ARHGAP44: variants seen among roughly 807,000 people sequenced by gnomAD.
The protein encoded by ARHGAP44 is rho GTPase-activating protein 44.
ARHGAP44 carries 43 observed loss-of-function variants against 106.8 expected under a neutral mutation model. The observed-to-expected ratio is 0.40, with a 90% CI of 0.32 to 0.52. ARHGAP44 has a LOEUF of 0.52. ARHGAP44 is among the 20% of genes least tolerant of loss of function. The probability of loss-of-function intolerance (pLI) is 0.48; values close to 1 mark genes in which losing one functional copy is unlikely to be tolerated. For synonymous variants in ARHGAP44, 439 were observed against 410.3 expected (o/e 1.07, Z -0.85); for missense variants, 866 against 1,050.5 (o/e 0.82, Z 2.43).
intron 16 of ARHGAP44, chr17:12,959,142 C>T (rs2039199294): frequency 2.2e-6 from 1 of 461,244 alleles, no homozygotes; most frequent in Admixed American, 3.5e-5. Flanking sequence ...AATTAGTTCT[C>T]ATCAAAAGAA....
intron 6 of ARHGAP44, among the ~76,000 whole-genome samples, chr17:12,924,599 G>A (rs571263868): frequency 3.9e-5 from 6 of 152,204 alleles, no homozygotes; most frequent in South Asian, 2.1e-4. Context: ...ATATTGAAGC[G>A]CTAACCCCCA....
At chr17:12,851,367 A>G (rs1443038856) in intron 1 of ARHGAP44, among the ~76,000 whole-genome samples, 1 of 152,224 alleles carries the variant, frequency 6.6e-6, no homozygotes, top group African/African-American at 2.4e-5. Flanking sequence ...AGAAGTCTAA[A>G]AGGTAGGAAA....
At chr17:12,864,136 C>G (rs2036168704) in intron 1 of ARHGAP44, among the ~76,000 whole-genome samples, 1 of 152,140 alleles carries the variant, frequency 6.6e-6, no homozygotes, top group Non-Finnish European at 1.5e-5. Flanking sequence ...TAGAAATAAA[C>G]TTCACCTCTC....
chr17:12,875,996 A>C (rs1199098585), intron 1 of ARHGAP44, among the ~76,000 whole-genome samples: 1 of 152,212 alleles, frequency 6.6e-6, no homozygotes, highest in Non-Finnish European at 1.5e-5. Context: ...TTATTCCATC[A>C]TGTGGGTCAC....
chr17:12,800,610 G>A lies in ARHGAP44; in HGVS notation c.53+10719G>A, dbSNP rs567613213. Among the ~76,000 whole-genome samples, 12 of 152,274 alleles carry A rather than the reference G, an allele frequency of 7.9e-5. No homozygotes were observed. In the South Asian group the frequency reaches 1.9e-3, roughly 24 times the overall value. On this transcript the variant is annotated intron_variant, in intron 1 of 20. Transcript: ENST00000379672. ...CAAAGTAGAAGGCAATCCTGATACC[G>A]GCCAAAAGTCATAGAGCCACAGAAG...
chr17:12,813,890 A>G (rs568673559), intron 1 of ARHGAP44, among the ~76,000 whole-genome samples: 292 of 152,254 alleles, frequency 1.9e-3, no homozygotes, highest in African/African-American at 6.5e-3. Context: ...TGGAACTGGG[A>G]CACACGTAGT....
intron 1 of ARHGAP44, among the ~76,000 whole-genome samples, chr17:12,820,620 A>G (rs999923358): frequency 6.6e-6 from 1 of 152,132 alleles, no homozygotes; most frequent in African/African-American, 2.4e-5. Context: ...GAGATAGACC[A>G]TATAGTAAGT....
intron 1 of ARHGAP44, among the ~76,000 whole-genome samples, chr17:12,857,005 T>G (rs114277208): frequency 0.019 from 2,898 of 152,194 alleles, 95 homozygotes; most frequent in African/African-American, 0.067. Context: ...TCAAGCAAAA[T>G]TTCTCTCTTC....
intron 16 of ARHGAP44, among the ~76,000 whole-genome samples, chr17:12,964,337 G>A (rs1274546321): frequency 1.3e-5 from 2 of 152,094 alleles, no homozygotes; most frequent in Non-Finnish European, 2.9e-5. Context: ...CTGCACTCTT[G>A]CTGGTTGGTC....
chr17:12,819,983 T>C (rs1015531437), intron 1 of ARHGAP44, among the ~76,000 whole-genome samples: 9 of 152,144 alleles, frequency 5.9e-5, no homozygotes, highest in Admixed American at 5.9e-4. Context: ...AATCATTGCC[T>C]ATGCCATAGA....
chr17:12,956,887 A>ACG (rs2039142078), intron 15 of ARHGAP44, 141 bp downstream of exon 15: 3 of 591,054 alleles, frequency 5.1e-6, no homozygotes, highest in African/African-American at 3.8e-5. Flanking sequence ...ACACACACAC[A>ACG]CGCATGCAGA....
chr17:12,928,986 C>A lies in ARHGAP44; in HGVS notation c.522C>A (p.Ala174=). ...GLSSSLQPAG[A]KADALREEME... ...CCAGCAGCTTACAGCCTGCGGGTGC[C>A]AAGGCTGATGCCCTCAGGGAAGAAA... Residue 174 remains alanine, a synonymous_variant, in exon 7 of 21, where the codon GCC becomes GCA. Coordinates refer to ENST00000379672, the MANE Select transcript of ARHGAP44 (RefSeq NM_014859.6). 5 of 1,613,574 alleles carry A rather than the reference C, an allele frequency of 3.1e-6. No individual in the cohort carries two copies. Among genetic ancestry groups the A allele is most frequent in the Non-Finnish European group, 4.2e-6 (5 of 1,179,734 alleles).
At chr17:12,868,046 G>A (rs1259521971) in intron 1 of ARHGAP44, among the ~76,000 whole-genome samples, 1 of 152,198 alleles carries the variant, frequency 6.6e-6, no homozygotes, top group African/African-American at 2.4e-5. Context: ...TGCTTCTGAT[G>A]AGTCTGTTTG....
intron 1 of ARHGAP44, among the ~76,000 whole-genome samples, chr17:12,816,603 TG>T (rs1465842843): frequency 6.6e-6 from 1 of 152,042 alleles, no homozygotes; most frequent in Non-Finnish European, 1.5e-5. Context: ...AAAAGAAAGG[TG>T]GGGTGTATTT....
intron 5 of ARHGAP44, among the ~76,000 whole-genome samples, chr17:12,918,598 A>G (rs1226100269): frequency 2.0e-5 from 3 of 152,182 alleles, no homozygotes; most frequent in African/African-American, 4.8e-5. Flanking sequence ...TTCATTATTG[A>G]CTGGAAAAGT....
intron 1 of ARHGAP44, among the ~76,000 whole-genome samples, chr17:12,892,345 A>G (rs2037074005): frequency 6.7e-6 from 1 of 149,226 alleles, no homozygotes. Context: ...TTAAGGTATC[A>G]TTTCTTTCAC....
chr17:12,953,955 C>T lies in ARHGAP44; in HGVS notation c.1136+1374C>T, dbSNP rs149198705. Among the ~76,000 whole-genome samples the T allele has an allele frequency of 3.0e-3, 463 of 152,192 alleles. 1 individual carries two copies. Among genetic ancestry groups the T allele is most frequent in the African/African-American group, 0.01 (416 of 41,526 alleles). On this transcript the variant is annotated intron_variant, in intron 13 of 20. Coordinates refer to ENST00000379672, the MANE Select transcript of ARHGAP44 (RefSeq NM_014859.6). ...AGGCTGGAGTCCAGTGGTGCAATCTCGGCTCACTGCAACCCCCACCACCTG... is the reference window on the plus strand; with the variant it reads ...AGGCTGGAGTCCAGTGGTGCAATCTTGGCTCACTGCAACCCCCACCACCTG...
chr17:12,903,271 A>T (rs757793581), intron 3 of ARHGAP44, among the ~76,000 whole-genome samples: 2 of 151,902 alleles, frequency 1.3e-5, no homozygotes, highest in Non-Finnish European at 2.9e-5. Context: ...AGATAGTTTT[A>T]GAGAGAATAG....
rs1241779514 is a variant in ARHGAP44 at position 12,801,209 on chromosome 17, G to A, written c.53+11318G>A. On this transcript the variant is annotated intron_variant, in intron 1 of 20. Coordinates refer to ENST00000379672, the MANE Select transcript of ARHGAP44 (RefSeq NM_014859.6). ...AGTCTGAGAAAGGAATATGAAAAGT[G>A]GACAGAGCTTTTAGCACTAGGAATC... Among the ~76,000 whole-genome samples, 4 of 152,244 alleles carry A rather than the reference G, an allele frequency of 2.6e-5. No individual in the cohort carries two copies. The East Asian group carries it at 7.7e-4, about 29-fold the overall frequency.
Sources: gnomAD v4.1 joint callset for allele counts (sites outside exome capture counted in the v4.1 genomes callset) on GRCh38, gnomAD v4.1.1 for gene constraint, MANE v1.5 for transcripts, NCBI Gene and HGNC (gene_info 2026-07-23, HGNC 2026-07-21) for gene names.